Variants in RPSA2 observed in about 807,000 individuals in gnomAD.
The protein encoded by RPSA2 is ribosomal protein SA 2, also known as small ribosomal subunit protein uS2B.
the RPSA2 span, among the ~76,000 whole-genome samples, chr19:23,761,979 A>G: frequency 7.8e-6 from 1 of 128,178 alleles, no homozygotes; most frequent in East Asian, 2.5e-4. Flanking sequence ...GTGCAGTGGC[A>G]TAATTTGGGC....
the RPSA2 span, among the ~76,000 whole-genome samples, chr19:23,852,425 T>C: frequency 4.6e-5 from 7 of 152,172 alleles, no homozygotes; most frequent in Admixed American, 1.3e-4. Flanking sequence ...CTGACAGCCC[T>C]GGACAGAGAT....
At chr19:23,779,160 C>T in the RPSA2 span, among the ~76,000 whole-genome samples, 3 of 152,050 alleles carry the variant, frequency 2.0e-5, no homozygotes, top group Admixed American at 6.6e-5. Flanking sequence ...GCCACCACAC[C>T]CGGCTAATTT....
the RPSA2 span, chr19:23,826,939 C>G: frequency 3.7e-6 from 2 of 543,018 alleles, no homozygotes; most frequent in African/African-American, 1.9e-5. Flanking sequence ...ATCTGCCTGC[C>G]TTGGCCTCCC....
chr19:23,870,864 A>G, the RPSA2 span, among the ~76,000 whole-genome samples: 1 of 152,222 alleles, frequency 6.6e-6, no homozygotes, highest in African/African-American at 2.4e-5. Flanking sequence ...ATATGATCAA[A>G]GAGCAAACTG....
At chr19:23,783,262 A>C in the RPSA2 span, among the ~76,000 whole-genome samples, 1 of 151,638 alleles carries the variant, frequency 6.6e-6, no homozygotes, top group Non-Finnish European at 1.5e-5. Flanking sequence ...CTCCCACCTA[A>C]TTTTGTATTT....
the RPSA2 span, among the ~76,000 whole-genome samples, chr19:23,844,913 T>C: frequency 1.3e-5 from 2 of 149,244 alleles, no homozygotes; most frequent in South Asian, 2.1e-4. Context: ...TTTTCAAGAC[T>C]TTTTTTTATT....
the RPSA2 span, among the ~76,000 whole-genome samples, chr19:23,836,408 C>T: frequency 6.6e-6 from 1 of 152,106 alleles, no homozygotes; most frequent in Non-Finnish European, 1.5e-5. Context: ...TTTCTTTATC[C>T]ACTCGTTGAT....
the RPSA2 span, among the ~76,000 whole-genome samples, chr19:23,829,386 C>T: frequency 6.6e-6 from 1 of 152,062 alleles, no homozygotes; most frequent in East Asian, 1.9e-4. Flanking sequence ...ACCGCAATCT[C>T]CGCCTCCTGG....
the RPSA2 span, chr19:23,827,406 C>G: frequency 4.8e-6 from 7 of 1,454,754 alleles, no homozygotes; most frequent in African/African-American, 8.3e-5. Context: ...TCCAGGAATA[C>G]TGGCCAGAGG....
the RPSA2 span, chr19:23,808,857 C>A: frequency 3.9e-6 from 2 of 507,030 alleles, no homozygotes; most frequent in Non-Finnish European, 6.8e-6. Flanking sequence ...ATGAGAGGCC[C>A]AAATCAAGAA....
chr19:23,840,657 T>A, the RPSA2 span, among the ~76,000 whole-genome samples: 1 of 152,082 alleles, frequency 6.6e-6, no homozygotes, highest in Non-Finnish European at 1.5e-5. Flanking sequence ...AGATACACTA[T>A]TAGAAATTAC....
the RPSA2 span, among the ~76,000 whole-genome samples, chr19:23,828,639 A>AAGT: frequency 2.7e-5 from 4 of 150,608 alleles, no homozygotes; most frequent in African/African-American, 9.8e-5. Context: ...TTACTTTTAA[A>AAGT]AAATTTGATA....
the RPSA2 span, among the ~76,000 whole-genome samples, chr19:23,772,097 G>A: frequency 6.6e-6 from 1 of 152,172 alleles, no homozygotes; most frequent in East Asian, 1.9e-4. Flanking sequence ...CTGCCCACAG[G>A]GACATTGTGA....
the RPSA2 span, among the ~76,000 whole-genome samples, chr19:23,845,325 A>C: frequency 2.1e-5 from 3 of 141,280 alleles, no homozygotes; most frequent in Admixed American, 1.4e-4. Flanking sequence ...CTAATTTTCT[A>C]GTTCCTTGAA....
chr19:23,831,944 G>A, the RPSA2 span: 8 of 313,816 alleles, frequency 2.5e-5, no homozygotes, highest in Admixed American at 1.7e-4. Context: ...CAACATAAAA[G>A]CATTTATACT....
the RPSA2 span, chr19:23,833,186 C>A: frequency 8.4e-7 from 1 of 1,189,080 alleles, no homozygotes; most frequent in Non-Finnish European, 1.1e-6. Flanking sequence ...TCAGCCCTAA[C>A]TAAACATAAG....
At chr19:23,851,924 G>C in the RPSA2 span, among the ~76,000 whole-genome samples, 1 of 152,240 alleles carries the variant, frequency 6.6e-6, no homozygotes, top group Non-Finnish European at 1.5e-5. Context: ...ACTTTGAGCC[G>C]ATTTAAATGA....
chr19:23,775,498 A>C, the RPSA2 span, among the ~76,000 whole-genome samples: 1 of 152,200 alleles, frequency 6.6e-6, no homozygotes, highest in Non-Finnish European at 1.5e-5. Context: ...CGTGTACCTT[A>C]TAAATTCCTC....
the RPSA2 span, chr19:23,832,668 G>T: frequency 6.7e-7 from 1 of 1,484,134 alleles, no homozygotes. Flanking sequence ...CATTTCTATG[G>T]TTCATTACCC....
Sources: gnomAD v4.1 joint callset for allele counts (sites outside exome capture counted in the v4.1 genomes callset) on GRCh38, gnomAD v4.1.1 for gene constraint, MANE v1.5 for transcripts, NCBI Gene and HGNC (gene_info 2026-07-23, HGNC 2026-07-21) for gene names.